Variants in SPIRE1 observed in about 807,000 individuals in gnomAD.
SPIRE1 encodes the protein protein spire homolog 1.
SPIRE1 carries 40 observed loss-of-function variants against 94.1 expected under a neutral mutation model. That is an observed-to-expected ratio of 0.43 (90% confidence interval 0.33 to 0.55). SPIRE1 has a LOEUF of 0.55. SPIRE1 is among the 20% of genes least tolerant of loss of function. The pLI is 0.06. For synonymous variants in SPIRE1, 376 were observed against 371.7 expected (o/e 1.01, Z -0.13); for missense variants, 838 against 975.2 (o/e 0.86, Z 1.87).
intron 2 of SPIRE1, among the ~76,000 whole-genome samples, chr18:12,581,818 C>G (rs1399111670): frequency 2.0e-5 from 3 of 151,762 alleles, no homozygotes; most frequent in Admixed American, 6.6e-5. Context: ...GAGCCAAGAT[C>G]ACACCACTGC....
At chr18:12,594,711 A>C (rs1042256076) in intron 2 of SPIRE1, among the ~76,000 whole-genome samples, 17 of 152,150 alleles carry the variant, frequency 1.1e-4, no homozygotes, top group Non-Finnish European at 4.4e-5. Flanking sequence ...CCCTTGAACA[A>C]CACGTTTGAA....
intron 6 of SPIRE1, among the ~76,000 whole-genome samples, chr18:12,501,072 C>CAAAAAAAAAAAAAAA (rs67894900): frequency 8.2e-3 from 659 of 80,094 alleles, no homozygotes; most frequent in Non-Finnish European, 0.01. Flanking sequence ...AACTCTGTCT[C>CAAAAAAAAAAAAAAA]AAAAAAAAAA....
chr18:12,657,623 C>T lies in SPIRE1; in HGVS notation c.244G>A (p.Val82Met). The change falls in exon 1 of 17, where the codon GTG becomes ATG. Residue 82 changes from valine (V) to methionine (M), a missense_variant. By Grantham distance (21) the Val-to-Met change is conservative (BLOSUM62 1). Coordinates refer to ENST00000409402, the MANE Select transcript of SPIRE1 (RefSeq NM_001128626.2). ...AARRRQPRHRVRSAAQIRVWR... is the reference protein window; with the variant it reads ...AARRRQPRHRMRSAAQIRVWR... The stretch of plus-strand genomic sequence containing the variant: ...ACGCGGATCTGCGCGGCCGAGCGCA[C>T]ACGGTGGCGGGGCTGGCGGCGGCGG... 1 of 1,304,686 alleles carries T rather than the reference C, an allele frequency of 7.7e-7. No individual in the cohort carries two copies. Among genetic ancestry groups the T allele is most frequent in the Non-Finnish European group, 9.7e-7 (1 of 1,028,232 alleles). The allele number at this position is 1,304,686 out of a possible 1,614,324, so 80.8% of individuals were successfully genotyped here.
intron 6 of SPIRE1, among the ~76,000 whole-genome samples, chr18:12,501,522 T>A (rs575497575): frequency 6.6e-6 from 1 of 152,324 alleles, no homozygotes; most frequent in South Asian, 2.1e-4. Flanking sequence ...TGGCTGGGAC[T>A]ACAGGCACAT....
At position 12,447,185 on chromosome 18, in the gene SPIRE1, C is replaced by A. The variant is rs1311127493; in HGVS notation, c.*2453G>T. 1 of 152,140 alleles carries A rather than the reference C, an allele frequency of 6.6e-6. No homozygotes were observed. Among genetic ancestry groups the A allele is most frequent in the South Asian group, 2.1e-4 (1 of 4,830 alleles). The allele number at this position is 152,140 out of a possible 1,614,324, so 9.4% of individuals were successfully genotyped here. A position where few individuals can be genotyped will look rare whatever the true frequency, so the allele number is the denominator to read the frequency against. ...GGCCTGGAGGGAGCTGAGATGAGAG[C>A]AGGGATGATGGTTCAGATACGCACA... On this transcript the variant is annotated 3_prime_UTR_variant, in exon 17 of 17. Transcript: ENST00000409402.
chr18:12,510,775 G>A (rs1042528090), intron 5 of SPIRE1, among the ~76,000 whole-genome samples: 8 of 152,012 alleles, frequency 5.3e-5, no homozygotes, highest in Non-Finnish European at 8.8e-5. Flanking sequence ...CCTGACTTCA[G>A]GTGATCCGCC....
chr18:12,454,998 C>T (rs1244838789), intron 12 of SPIRE1, among the ~76,000 whole-genome samples: 2 of 151,588 alleles, frequency 1.3e-5, no homozygotes, highest in African/African-American at 2.4e-5. Flanking sequence ...GGCAGTGATG[C>T]GATCATGGGT....
intron 2 of SPIRE1, among the ~76,000 whole-genome samples, chr18:12,616,230 A>C (rs994326062): frequency 2.6e-5 from 4 of 152,170 alleles, no homozygotes; most frequent in African/African-American, 9.7e-5. Flanking sequence ...AGTCATTACT[A>C]AAGTTTGTTT....
At chr18:12,538,681 CT>C (rs112233458) in intron 3 of SPIRE1, among the ~76,000 whole-genome samples, 9,822 of 152,116 alleles carry the variant, frequency 0.065, 523 homozygotes, top group African/African-American at 0.13. Context: ...GAGAGTCATC[CT>C]TTTTTCCCCC....
At position 12,657,766 on chromosome 18, in the gene SPIRE1, C is replaced by T. The variant is rs1200319246; in HGVS notation, c.101G>A (p.Gly34Glu). Residue 34 changes from glycine (G) to glutamate (E), a missense_variant, in exon 1 of 17, where the codon GGG (glycine) becomes GAG (glutamate). By Grantham distance (98) the Gly-to-Glu change is moderately conservative (BLOSUM62 -2). This residue lies in a region of SPIRE1 where 193 missense variants were observed against 170.5 expected (regional missense o/e 1.13). Coordinates refer to ENST00000409402, the MANE Select transcript of SPIRE1 (RefSeq NM_001128626.2). ...CAGGCTCAGCGCGTCCCGGGAGCCC[C>T]CGGCCGCGCCGCCGGCTGCCCCGGG... ...REPGAAGGAA[G>E]GSRDALSLEE... 13 of 1,335,942 alleles carry T rather than the reference C, an allele frequency of 9.7e-6. No individual in the cohort carries two copies. The highest frequency in any genetic ancestry group is 1.2e-5 in the Non-Finnish European group (12 of 1,036,442). 82.8% of individuals were successfully genotyped at this position (1,335,942 alleles called of 1,614,324 possible).
At chr18:12,610,335 T>C (rs2037103993) in intron 2 of SPIRE1, among the ~76,000 whole-genome samples, 1 of 152,248 alleles carries the variant, frequency 6.6e-6, no homozygotes, top group Non-Finnish European at 1.5e-5. Context: ...CCTCCACCTA[T>C]CTTTCTAGTT....
intron 2 of SPIRE1, among the ~76,000 whole-genome samples, chr18:12,610,998 C>A (rs56842348): frequency 2.6e-4 from 40 of 152,232 alleles, no homozygotes; most frequent in African/African-American, 9.6e-4. Context: ...ACTTATGCTC[C>A]ACATCATATC....
At chr18:12,501,415 C>T (rs1031909562) in intron 6 of SPIRE1, among the ~76,000 whole-genome samples, 6 of 152,144 alleles carry the variant, frequency 3.9e-5, no homozygotes, top group African/African-American at 1.4e-4. Context: ...GACAGAGTCT[C>T]GCTCTGCCGT....
intron 2 of SPIRE1, among the ~76,000 whole-genome samples, chr18:12,610,443 C>CCTAT (rs1394861846): frequency 1.3e-5 from 2 of 152,160 alleles, no homozygotes; most frequent in Non-Finnish European, 2.9e-5. Flanking sequence ...ATTCCTCACC[C>CCTAT]CTATGCTCTA....
intron 2 of SPIRE1, among the ~76,000 whole-genome samples, chr18:12,583,066 A>C (rs906553862): frequency 2.6e-5 from 4 of 152,216 alleles, no homozygotes; most frequent in African/African-American, 9.6e-5. Context: ...GACATATGTG[A>C]TTTTTAAAGA....
intron 10 of SPIRE1, among the ~76,000 whole-genome samples, chr18:12,476,564 A>AATATAT (rs1261493981): frequency 6.0e-4 from 42 of 69,854 alleles, no homozygotes; most frequent in African/African-American, 1.5e-3. Context: ...AAAAAAAAAA[A>AATATAT]ATATATATAT....
At position 12,559,675 on chromosome 18, in the gene SPIRE1, AG is replaced by A. The variant is rs1006990992; in HGVS notation, c.373-12772del. Reference sequence around the variant, plus strand: ...CAAGAAAACATTGGGGAAACTCTCCAGGATGTTAGACTGGGCAAAGATTTCT... The same window carrying A: ...CAAGAAAACATTGGGGAAACTCTCCAGATGTTAGACTGGGCAAAGATTTCT... On this transcript the variant is annotated intron_variant, in intron 2 of 16. Coordinates refer to ENST00000409402, the MANE Select transcript of SPIRE1 (RefSeq NM_001128626.2). This position sits in a 1 kb window ranked among gnomAD's most constrained non-coding sequence, Gnocchi z 4.7. Among the ~76,000 whole-genome samples the A allele has an allele frequency of 2.0e-5, 3 of 152,244 alleles. No individual in the cohort carries two copies. Among genetic ancestry groups the A allele is most frequent in the African/African-American group, 7.2e-5 (3 of 41,472 alleles).
At chr18:12,595,961 C>T (rs1390685003) in intron 2 of SPIRE1, among the ~76,000 whole-genome samples, 3 of 152,322 alleles carry the variant, frequency 2.0e-5, no homozygotes, top group Non-Finnish European at 4.4e-5. Context: ...AGAGACACTA[C>T]ACTAATTATA....
chr18:12,587,133 TC>T (rs1251839278), intron 2 of SPIRE1, among the ~76,000 whole-genome samples: 1 of 152,210 alleles, frequency 6.6e-6, no homozygotes, highest in East Asian at 1.9e-4. Context: ...TTGCTCAAAG[TC>T]ACACAGCCAA....
Sources: allele counts gnomAD v4.1 joint callset (sites outside exome capture counted in the v4.1 genomes callset), GRCh38; gene constraint gnomAD v4.1.1; regional missense constraint gnomAD v4.1.1; non-coding constraint Gnocchi (gnomAD v3.1); transcripts MANE v1.5; gene names NCBI Gene and HGNC (gene_info 2026-07-23, HGNC 2026-07-21).